The following PRICKLE1 variants were observed in gnomAD, a reference collection of about 807,000 sequenced individuals.
PRICKLE1 encodes the protein prickle planar cell polarity protein 1.
In PRICKLE1, 14 loss-of-function variants were observed where a neutral mutation model predicts 70.2. The ratio of observed to expected loss-of-function variants is 0.20; its 90% confidence interval spans 0.13 to 0.31. PRICKLE1 has a LOEUF of 0.31. Ranked by LOEUF, PRICKLE1 falls within the 10% of genes least tolerant of loss-of-function variation. The probability of loss-of-function intolerance (pLI) is 1.00; values close to 1 mark genes in which losing one functional copy is unlikely to be tolerated. For synonymous variants in PRICKLE1, 357 were observed against 379.9 expected (o/e 0.94, Z 0.70); for missense variants, 821 against 1,026.2 (o/e 0.80, Z 2.73).
At chr12:42,548,606 G>T (rs539130069) in intron 1 of PRICKLE1, among the ~76,000 whole-genome samples, 1 of 152,166 alleles carries the variant, frequency 6.6e-6, no homozygotes. Context: ...CAGGAGTTCC[G>T]AAGAGCAAAG....
chr12:42,478,027 A>G (rs1207611617), intron 1 of PRICKLE1, among the ~76,000 whole-genome samples: 1 of 151,810 alleles, frequency 6.6e-6, no homozygotes, highest in Non-Finnish European at 1.5e-5. Flanking sequence ...GCAATAGTAA[A>G]AGAACTCTGA....
Position 42,469,526 on chromosome 12 carries a change from T to G in PRICKLE1, c.308A>C (p.Gln103Pro). 6.2e-7 allele frequency: 1 copy of G among 1,614,180 alleles called. No homozygotes were observed. The highest frequency in any genetic ancestry group is 8.5e-7 in the Non-Finnish European group (1 of 1,180,024). The stretch of plus-strand genomic sequence containing the variant: ...TCTTCCCAGTGCTTCTTTCTTCCGC[T>G]GAGCACTGAACACCTGCAACTCTTT... Reference protein sequence around the residue: ...EKKELQVFSAQRKKEALGRGT... With the variant: ...EKKELQVFSAPRKKEALGRGT... Residue 103 changes from glutamine (Q) to proline (P), a missense_variant, in exon 4 of 8, where the codon CAG (glutamine) becomes CCG (proline). Coordinates refer to ENST00000345127, the MANE Select transcript of PRICKLE1 (RefSeq NM_153026.3).
At chr12:42,494,495 C>A (rs1019480254) in intron 1 of PRICKLE1, among the ~76,000 whole-genome samples, 3 of 152,116 alleles carry the variant, frequency 2.0e-5, no homozygotes, top group African/African-American at 7.2e-5. Flanking sequence ...AAACCACTTT[C>A]TTTGCTCATT....
intron 1 of PRICKLE1, among the ~76,000 whole-genome samples, chr12:42,550,713 C>A (rs1317827012): frequency 6.6e-6 from 1 of 152,164 alleles, no homozygotes; most frequent in East Asian, 1.9e-4. Flanking sequence ...ACAGAAAACA[C>A]CATAAAAACT....
chr12:42,485,696 C>A lies in PRICKLE1; in HGVS notation c.-48-13132G>T, dbSNP rs181451864. 5.3e-5 allele frequency among the ~76,000 whole-genome samples: 8 copies of A among 152,298 alleles called. No homozygotes were observed. In the East Asian group the frequency reaches 1.5e-3, roughly 29 times the overall value. On this transcript the variant is annotated intron_variant, in intron 1 of 7. Coordinates refer to ENST00000345127, the MANE Select transcript of PRICKLE1 (RefSeq NM_153026.3). The stretch of plus-strand genomic sequence containing the variant: ...CAGCAGGTGAATACATTAAGCCAGG[C>A]AGACCCTTTTTGGAATAGCTTTTAA...
At chr12:42,555,666 A>G (rs1451744653) in intron 1 of PRICKLE1, among the ~76,000 whole-genome samples, 1 of 152,210 alleles carries the variant, frequency 6.6e-6, no homozygotes, top group Admixed American at 6.5e-5. Flanking sequence ...AGCTTAACAC[A>G]AAATTTTGAG....
At chr12:42,569,556 A>G (rs1325822684) in intron 1 of PRICKLE1, among the ~76,000 whole-genome samples, 1 of 152,180 alleles carries the variant, frequency 6.6e-6, no homozygotes, top group East Asian at 1.9e-4. Flanking sequence ...GTTTTTATAT[A>G]CCAGTAATCT....
intron 1 of PRICKLE1, among the ~76,000 whole-genome samples, chr12:42,509,364 G>A (rs1464081083): frequency 6.6e-6 from 1 of 152,088 alleles, no homozygotes; most frequent in Middle Eastern, 3.2e-3. Flanking sequence ...AACTCTCAAA[G>A]AACTATTGAA....
intron 1 of PRICKLE1, among the ~76,000 whole-genome samples, chr12:42,528,174 G>A (rs1220364180): frequency 6.6e-6 from 1 of 151,776 alleles, no homozygotes; most frequent in Non-Finnish European, 1.5e-5. Context: ...TCTGCCTCCC[G>A]GGCTCAACTG....
chr12:42,470,994 T>C (rs1938299820), intron 2 of PRICKLE1, among the ~76,000 whole-genome samples: 1 of 152,096 alleles, frequency 6.6e-6, no homozygotes, highest in African/African-American at 2.4e-5. Context: ...GGGTGAATCC[T>C]GCAAATTACT....
intron 5 of PRICKLE1, among the ~76,000 whole-genome samples, chr12:42,468,269 G>A (rs1938179101): frequency 6.6e-6 from 1 of 152,044 alleles, no homozygotes; most frequent in South Asian, 2.1e-4. Flanking sequence ...ATATCATATT[G>A]TTTTTTAAAT....
chr12:42,549,865 T>C (rs1431281144), intron 1 of PRICKLE1, among the ~76,000 whole-genome samples: 2 of 152,220 alleles, frequency 1.3e-5, no homozygotes, highest in African/African-American at 2.4e-5. Flanking sequence ...CAACATCTAA[T>C]TACCTAAGAG....
At chr12:42,576,643 T>C (rs779826698) in intron 1 of PRICKLE1, among the ~76,000 whole-genome samples, 22 of 152,352 alleles carry the variant, frequency 1.4e-4, no homozygotes, top group Non-Finnish European at 2.6e-4. Flanking sequence ...CAGTACTTCA[T>C]AGTCACTTAT....
At chr12:42,572,687 C>T (rs908868656) in intron 1 of PRICKLE1, among the ~76,000 whole-genome samples, 11 of 151,820 alleles carry the variant, frequency 7.2e-5, no homozygotes, top group East Asian at 3.9e-4. Context: ...ATCAGCAAGG[C>T]ATGGTGGCAT....
chr12:42,559,700 G>A (rs186267811), intron 1 of PRICKLE1, among the ~76,000 whole-genome samples: 2 of 149,430 alleles, frequency 1.3e-5, no homozygotes, highest in East Asian at 4.0e-4. Context: ...CTGGGCTCAA[G>A]CAAACCTCTT....
At chr12:42,470,986 G>A (rs1286634762) in intron 2 of PRICKLE1, among the ~76,000 whole-genome samples, 1 of 152,084 alleles carries the variant, frequency 6.6e-6, no homozygotes, top group Non-Finnish European at 1.5e-5. Flanking sequence ...AGAGTCCTGG[G>A]TGAATCCTGC....
intron 1 of PRICKLE1, among the ~76,000 whole-genome samples, chr12:42,581,705 C>T (rs1467182005): frequency 2.0e-5 from 3 of 151,510 alleles, no homozygotes; most frequent in Non-Finnish European, 4.4e-5. Flanking sequence ...CAAGATCATG[C>T]CACTGCACTC....
In PRICKLE1 at chr12:42,468,849, A is replaced by C. The variant is rs898970641; in HGVS notation, c.385-20T>G. The C allele has an allele frequency of 2.6e-5, 42 of 1,609,988 alleles. No individual in the cohort carries two copies. The highest frequency in any genetic ancestry group is 3.5e-5 in the Non-Finnish European group (41 of 1,176,524). On this transcript the variant is annotated intron_variant, in intron 4 of 7. Transcript: ENST00000345127. ...ACCACACTACAAACAAATGGGTTTG[A>C]ATGTAAAAGGATCATTTTTTAAAGA...
intron 1 of PRICKLE1, among the ~76,000 whole-genome samples, chr12:42,532,215 A>G (rs1272715487): frequency 3.0e-4 from 45 of 152,228 alleles, no homozygotes; most frequent in Admixed American, 2.9e-3. Context: ...TAGCAATTCT[A>G]CTTCTAACAG....
Sources: allele counts gnomAD v4.1 joint callset (sites outside exome capture counted in the v4.1 genomes callset), GRCh38; gene constraint gnomAD v4.1.1; transcripts MANE v1.5; gene names NCBI Gene and HGNC (gene_info 2026-07-23, HGNC 2026-07-21).